PIK3CB: variants seen among roughly 807,000 people sequenced by gnomAD.
PIK3CB encodes the protein phosphatidylinositol 4,5-bisphosphate 3-kinase catalytic subunit beta isoform.
PIK3CB carries 39 observed loss-of-function variants against 136.8 expected under a neutral mutation model. The observed-to-expected ratio is 0.29, with a 90% confidence interval of 0.22 to 0.37. The LOEUF (loss-of-function observed/expected upper bound fraction) is 0.37. Among genes scored for constraint, PIK3CB ranks in the 10% least tolerant of loss-of-function variants. The pLI is 1.00. For synonymous variants in PIK3CB, 428 were observed against 436.6 expected (o/e 0.98, Z 0.25); for missense variants, 868 against 1,275.4 (o/e 0.68, Z 4.87).
intron 19 of PIK3CB, among the ~76,000 whole-genome samples, chr3:138,674,267 G>A (rs1363197609): frequency 4.6e-5 from 7 of 151,956 alleles, no homozygotes; most frequent in Non-Finnish European, 5.9e-5. Flanking sequence ...GGCTAACTTT[G>A]AGGCTTTGTG....
chr3:138,745,430 C>T (rs2045333722), intron 4 of PIK3CB, among the ~76,000 whole-genome samples: 1 of 152,062 alleles, frequency 6.6e-6, no homozygotes, highest in Admixed American at 6.5e-5. Flanking sequence ...GTCAGGAGTT[C>T]AAGACCAGCC....
chr3:138,759,296 G>A lies in PIK3CB; in HGVS notation c.48C>T (p.Asp16=), dbSNP rs2108734254. Residue 16 remains aspartate (D), a synonymous_variant, in exon 3 of 24, where the codon GAC becomes GAT. Transcript: ENST00000674063. ...CTATCTGTGAATCCACCGCCCAGATGTCAAGGATGTCTGCCATAGCAGGAG... is the reference window on the plus strand; with the variant it reads ...CTATCTGTGAATCCACCGCCCAGATATCAAGGATGTCTGCCATAGCAGGAG... ...IMPPAMADIL[D]IWAVDSQIAS... The A allele has an allele frequency of 1.9e-6, 3 of 1,612,170 alleles. No individual in the cohort carries two copies. Among genetic ancestry groups the A allele is most frequent in the Non-Finnish European group, 2.5e-6 (3 of 1,178,456 alleles).
intron 1 of PIK3CB, among the ~76,000 whole-genome samples, chr3:138,808,175 T>C (rs1349147598): frequency 6.6e-6 from 1 of 152,118 alleles, no homozygotes; most frequent in South Asian, 2.1e-4. Flanking sequence ...AGTTCCAAAA[T>C]TTCATTTTAC....
chr3:138,719,979 G>C (rs2044692698), intron 8 of PIK3CB, among the ~76,000 whole-genome samples: 1 of 151,954 alleles, frequency 6.6e-6, no homozygotes, highest in East Asian at 1.9e-4. Context: ...AAATAGCTAG[G>C]CTAGAAAAAA....
At chr3:138,749,376 A>AT (rs1179575101) in intron 4 of PIK3CB, among the ~76,000 whole-genome samples, 1 of 152,112 alleles carries the variant, frequency 6.6e-6, no homozygotes, top group African/African-American at 2.4e-5. Context: ...GGGTTACAAC[A>AT]TTTTTTCACT....
At chr3:138,825,467 G>C in intron 1 of PIK3CB, 1 of 702,224 alleles carries the variant, frequency 1.4e-6, no homozygotes, top group Non-Finnish European at 2.6e-6. Context: ...AAGGAAGTCA[G>C]CACTTACATT....
At chr3:138,657,543 C>A in intron 22 of PIK3CB, 147 bp downstream of exon 22, 1 of 633,064 alleles carries the variant, frequency 1.6e-6, no homozygotes, top group East Asian at 3.1e-5. Context: ...GCACAATAAT[C>A]TGACAGGCAA....
At chr3:138,664,132 A>C in intron 20 of PIK3CB, 103 bp from the exon 21 acceptor site, 1 of 1,353,088 alleles carries the variant, frequency 7.4e-7, no homozygotes, top group Non-Finnish European at 1.0e-6. Context: ...TGTGAGGAGA[A>C]CACAGAGCTG....
chr3:138,719,312 C>T (rs1202289276), intron 8 of PIK3CB, among the ~76,000 whole-genome samples: 1 of 126,940 alleles, frequency 7.9e-6, no homozygotes, highest in Non-Finnish European at 1.6e-5. Context: ...GTGGCATGAT[C>T]TCAACTAACT....
At position 138,714,685 on chromosome 3, in the gene PIK3CB, T is replaced by C; in HGVS notation, c.1085A>G (p.Glu362Gly). 1 of 1,611,260 alleles carries C rather than the reference T, an allele frequency of 6.2e-7. No homozygotes were observed. Among genetic ancestry groups the C allele is most frequent in the East Asian group, 2.2e-5 (1 of 44,830 alleles). ...GCTTACGATGGTTTTACACAGGAGC[T>C]CAGTACCATGAAAAAGACCAGCCCT... ...HVRAGLFHGT[E>G]LLCKTIVSSE... The change falls in exon 9 of 24, where the codon GAG (glutamate) becomes GGG (glycine). Residue 362 changes from glutamate (E) to glycine (G), a missense_variant. Coordinates refer to ENST00000674063, the MANE Select transcript of PIK3CB (RefSeq NM_006219.3).
intron 4 of PIK3CB, among the ~76,000 whole-genome samples, chr3:138,749,021 A>G (rs1282913071): frequency 6.6e-6 from 1 of 152,150 alleles, no homozygotes; most frequent in Non-Finnish European, 1.5e-5. Context: ...AACACAGCAA[A>G]GGTATAACAC....
chr3:138,704,394 A>C, intron 12 of PIK3CB, 49 bp downstream of exon 12: 2 of 1,205,726 alleles, frequency 1.7e-6, no homozygotes, highest in Non-Finnish European at 2.5e-6. Context: ...ATACCTAATA[A>C]TGTGCACAAC....
chr3:138,704,783 A>G (rs189242898), intron 11 of PIK3CB, among the ~76,000 whole-genome samples: 86 of 152,250 alleles, frequency 5.6e-4, no homozygotes, highest in African/African-American at 1.6e-3. Context: ...TCTTTTAAGT[A>G]TAAGTAAATG....
At chr3:138,702,513 A>G (rs1310505151) in intron 12 of PIK3CB, among the ~76,000 whole-genome samples, 3 of 152,208 alleles carry the variant, frequency 2.0e-5, no homozygotes, top group Non-Finnish European at 4.4e-5. Context: ...TATGGTGGAA[A>G]TAGTAAAAAC....
chr3:138,695,284 A>C (rs1472631816), intron 13 of PIK3CB, among the ~76,000 whole-genome samples: 1 of 152,142 alleles, frequency 6.6e-6, no homozygotes, highest in Non-Finnish European at 1.5e-5. Context: ...AACGTCATGG[A>C]AGGTATATGA....
At chr3:138,675,467 A>G (rs2043625369) in intron 19 of PIK3CB, among the ~76,000 whole-genome samples, 1 of 152,176 alleles carries the variant, frequency 6.6e-6, no homozygotes, top group Non-Finnish European at 1.5e-5. Context: ...AGGATGCTCA[A>G]TTAATTCAAA....
chr3:138,780,823 T>G (rs1365099114), intron 2 of PIK3CB, among the ~76,000 whole-genome samples: 1 of 152,014 alleles, frequency 6.6e-6, no homozygotes, highest in Non-Finnish European at 1.5e-5. Context: ...CATACACCAC[T>G]TCACCTGACT....
At position 138,814,876 on chromosome 3, in the gene PIK3CB, G is replaced by A. The variant is rs542258284; in HGVS notation, c.-121-18309C>T. Among the ~76,000 whole-genome samples the A allele has an allele frequency of 2.0e-5, 3 of 152,010 alleles. No individual in the cohort carries two copies. The South Asian group carries it at 6.2e-4, about 32-fold the overall frequency. On this transcript the variant is annotated intron_variant, in intron 1 of 23. Coordinates refer to ENST00000674063, the MANE Select transcript of PIK3CB (RefSeq NM_006219.3). The stretch of plus-strand genomic sequence containing the variant: ...AATTTGGCCAGGCGCGGTGGCTCAC[G>A]CCTATAATCCCAGCACTTTGAGAGG...
At position 138,784,893 on chromosome 3, in the gene PIK3CB, C is replaced by CTTT. The variant is rs1258713063; in HGVS notation, c.-17+11569_-17+11570insAAA. On this transcript the variant is annotated intron_variant, in intron 2 of 23. Coordinates refer to ENST00000674063, the MANE Select transcript of PIK3CB (RefSeq NM_006219.3). ...GAGCGTCTCCCTGGCCACCCATGGT[C>CTTT]TGGGATGTGAGGAGCCCCTCTGCCC... Among the ~76,000 whole-genome samples the CTTT allele has an allele frequency of 7.9e-5, 12 of 152,078 alleles. No homozygotes were observed. In the South Asian group the frequency reaches 2.5e-3, roughly 32 times the overall value.
Sources: allele counts gnomAD v4.1 joint callset (sites outside exome capture counted in the v4.1 genomes callset), GRCh38; gene constraint gnomAD v4.1.1; transcripts MANE v1.5; gene names NCBI Gene and HGNC (gene_info 2026-07-23, HGNC 2026-07-21).